GALNT1: variants seen among roughly 807,000 people sequenced by gnomAD.
GALNT1 encodes the protein polypeptide N-acetylgalactosaminyltransferase 1.
A neutral mutation model predicts 65.7 loss-of-function variants in GALNT1; 17 were observed. That is an observed-to-expected ratio of 0.26 (90% CI 0.18 to 0.39). The LOEUF is 0.39. Ranked by LOEUF, GALNT1 falls within the 10% of genes least tolerant of loss-of-function variation. The pLI, the probability that GALNT1 is intolerant of heterozygous loss-of-function variation, is 1.00. For missense variants in GALNT1, 460 were observed against 672.8 expected (o/e 0.68, Z 3.50); for synonymous variants, 210 against 219.7 (o/e 0.96, Z 0.39).
intron 11 of GALNT1, among the ~76,000 whole-genome samples, chr18:35,704,922 G>A (rs190476911): frequency 1.4e-4 from 21 of 152,288 alleles, no homozygotes; most frequent in African/African-American, 4.8e-4. Context: ...GGGATTACAG[G>A]CATGAGCCAC....
chr18:35,590,190 A>ATG (rs2046426787), intron 1 of GALNT1, among the ~76,000 whole-genome samples: 1 of 152,226 alleles, frequency 6.6e-6, no homozygotes, highest in East Asian at 1.9e-4. Flanking sequence ...TTGAGGGCAG[A>ATG]TGTAGCAGCG....
At chr18:35,633,734 T>C (rs911322434) in intron 1 of GALNT1, among the ~76,000 whole-genome samples, 1 of 152,112 alleles carries the variant, frequency 6.6e-6, no homozygotes, top group African/African-American at 2.4e-5. Flanking sequence ...ATGCCTCATA[T>C]ACAAGCAAGA....
intron 5 of GALNT1, among the ~76,000 whole-genome samples, chr18:35,684,316 A>G (rs916066590): frequency 4.6e-5 from 7 of 152,198 alleles, no homozygotes; most frequent in African/African-American, 1.7e-4. Context: ...CACAGCATCT[A>G]TTCTGTTTGA....
At chr18:35,671,696 A>G (rs1348584518) in intron 3 of GALNT1, among the ~76,000 whole-genome samples, 1 of 152,086 alleles carries the variant, frequency 6.6e-6, no homozygotes, top group African/African-American at 2.4e-5. Context: ...TTCAACTGGT[A>G]AAGTTTTAGT....
intron 2 of GALNT1, among the ~76,000 whole-genome samples, chr18:35,656,495 T>C (rs1431135525): frequency 1.3e-5 from 2 of 152,200 alleles, no homozygotes; most frequent in Non-Finnish European, 2.9e-5. Flanking sequence ...TAAGGAAGTA[T>C]GTTCCAGCTT....
At chr18:35,604,740 C>T (rs971191103) in intron 1 of GALNT1, among the ~76,000 whole-genome samples, 2 of 152,062 alleles carry the variant, frequency 1.3e-5, no homozygotes, top group East Asian at 3.9e-4. Context: ...GTTCATGTTC[C>T]TTTGTCCATC....
chr18:35,688,718 T>C (rs2047908542), intron 6 of GALNT1, among the ~76,000 whole-genome samples: 1 of 152,212 alleles, frequency 6.6e-6, no homozygotes, highest in Non-Finnish European at 1.5e-5. Flanking sequence ...TGCCACCCTT[T>C]AGAACATGGC....
upstream of GALNT1, chr18:35,581,126 G>A (rs1311225231): frequency 1.3e-5 from 2 of 152,064 alleles, no homozygotes; most frequent in African/African-American, 4.8e-5. Flanking sequence ...ACCGGGTTGG[G>A]GCGGCCCCGC....
chr18:35,592,111 CAG>C (rs1287127500), intron 1 of GALNT1, among the ~76,000 whole-genome samples: 1 of 152,038 alleles, frequency 6.6e-6, no homozygotes, highest in Admixed American at 6.5e-5. Flanking sequence ...ATGATGAAAA[CAG>C]GGAGTGGTAG....
At chr18:35,599,726 C>G (rs1166290513) in intron 1 of GALNT1, among the ~76,000 whole-genome samples, 1 of 152,160 alleles carries the variant, frequency 6.6e-6, no homozygotes, top group Non-Finnish European at 1.5e-5. Context: ...AGGGATCTAG[C>G]TTTATTCTTC....
In GALNT1 at chr18:35,630,731, C is replaced by CA. The variant is rs546041411; in HGVS notation, c.-103-23823dup. 7.3e-3 allele frequency among the ~76,000 whole-genome samples: 1,110 copies of CA among 152,176 alleles called. 6 individuals are homozygous for CA. The highest frequency in any genetic ancestry group is 0.011 in the Non-Finnish European group (766 of 68,008). ...AGCAGAACTAAAGGAGATAGAGACA[C>CA]AAAAAACCCTTCAAAAAATCAATGA... On this transcript the variant is annotated intron_variant, in intron 1 of 11. Transcript: ENST00000269195.
chr18:35,640,908 C>G (rs1057089330), intron 1 of GALNT1, among the ~76,000 whole-genome samples: 1 of 152,130 alleles, frequency 6.6e-6, no homozygotes, highest in Non-Finnish European at 1.5e-5. Flanking sequence ...AAACCTTTAA[C>G]ATTTTTAGAT....
chr18:35,638,918 T>C (rs1034643567), intron 1 of GALNT1, among the ~76,000 whole-genome samples: 4 of 152,242 alleles, frequency 2.6e-5, no homozygotes, highest in South Asian at 2.1e-4. Flanking sequence ...CCTGAAGATA[T>C]GGCTGAATTG....
chr18:35,704,110 G>C (rs180679048), intron 11 of GALNT1, among the ~76,000 whole-genome samples: 1 of 152,190 alleles, frequency 6.6e-6, no homozygotes, highest in Admixed American at 6.5e-5. Flanking sequence ...ACCATCAAAT[G>C]GGCTCACATG....
rs745513447 is a variant in GALNT1, at chr18:35,685,348, A to AAACTT, written c.690-1666_690-1662dup. Among the ~76,000 whole-genome samples, 6 of 152,356 alleles carry AAACTT rather than the reference A, an allele frequency of 3.9e-5. No homozygotes were observed. In the South Asian group the frequency reaches 1.0e-3, roughly 26 times the overall value. ...AATGTATTTTTAAAACTGTGATTACAAACTTATTAAACACCTCTGATCACT... is the reference window on the plus strand; with the variant it reads ...AATGTATTTTTAAAACTGTGATTACAAACTTAACTTATTAAACACCTCTGATCACT... On this transcript the variant is annotated intron_variant, in intron 5 of 11. Coordinates refer to ENST00000269195, the MANE Select transcript of GALNT1 (RefSeq NM_020474.4).
chr18:35,629,000 G>A (rs1333014487), intron 1 of GALNT1, among the ~76,000 whole-genome samples: 1 of 152,230 alleles, frequency 6.6e-6, no homozygotes, highest in Non-Finnish European at 1.5e-5. Context: ...AATGAAGTGA[G>A]AAGAGAAGTT....
intron 1 of GALNT1, among the ~76,000 whole-genome samples, chr18:35,643,752 C>T (rs543274044): frequency 5.3e-5 from 8 of 149,754 alleles, no homozygotes; most frequent in African/African-American, 1.5e-4. Flanking sequence ...GAGCCGAGAT[C>T]GTGCCACTAC....
intron 1 of GALNT1, among the ~76,000 whole-genome samples, chr18:35,650,358 T>C (rs900954106): frequency 3.9e-5 from 6 of 152,012 alleles, no homozygotes; most frequent in Non-Finnish European, 8.8e-5. Context: ...ACAAGGCAAA[T>C]GGAGGCAGGG....
intron 1 of GALNT1, among the ~76,000 whole-genome samples, chr18:35,620,850 C>T (rs1265654431): frequency 6.7e-6 from 1 of 150,224 alleles, no homozygotes; most frequent in Admixed American, 6.7e-5. Context: ...GTAAGAGTTT[C>T]TCCAGGGACT....
Sources: allele counts gnomAD v4.1 joint callset (sites outside exome capture counted in the v4.1 genomes callset), GRCh38; gene constraint gnomAD v4.1.1; transcripts MANE v1.5; gene names NCBI Gene and HGNC (gene_info 2026-07-23, HGNC 2026-07-21).